Variants in ERBB4 observed in about 807,000 individuals in gnomAD.
The protein encoded by ERBB4 is receptor tyrosine-protein kinase erbB-4.
ERBB4 carries 42 observed loss-of-function variants against 158.0 expected under a neutral mutation model. The observed-to-expected ratio is 0.27, with a 90% CI of 0.21 to 0.34. The LOEUF (loss-of-function observed/expected upper bound fraction) is 0.34, where lower values mean the gene tolerates loss of function less well. ERBB4 is among the 10% of genes least tolerant of loss of function. ERBB4 has a pLI of 1.00. For missense variants in ERBB4, 1,333 were observed against 1,624.1 expected (o/e 0.82, Z 3.08); for synonymous variants, 583 against 558.7 (o/e 1.04, Z -0.61).
At chr2:211,774,101 C>T (rs1226396176) in intron 4 of ERBB4, among the ~76,000 whole-genome samples, 3 of 148,174 alleles carry the variant, frequency 2.0e-5, no homozygotes, top group African/African-American at 5.0e-5. Context: ...GAGATGGAGT[C>T]TCCCTCTGTC....
chr2:211,469,495 G>T (rs2064779451), intron 20 of ERBB4, among the ~76,000 whole-genome samples: 1 of 152,086 alleles, frequency 6.6e-6, no homozygotes, highest in Admixed American at 6.6e-5. Flanking sequence ...GCATTTCAAT[G>T]CAAACAAAAA....
intron 1 of ERBB4, among the ~76,000 whole-genome samples, chr2:212,305,550 A>C (rs16848294): frequency 0.017 from 2,637 of 151,076 alleles, 81 homozygotes; most frequent in African/African-American, 0.061. Context: ...TATCAAGGGA[A>C]ACTACCATGA....
intron 1 of ERBB4, among the ~76,000 whole-genome samples, chr2:212,171,111 A>T (rs143429668): frequency 6.6e-6 from 1 of 152,220 alleles, no homozygotes; most frequent in Non-Finnish European, 1.5e-5. Context: ...GCCCAATTTC[A>T]TGGAAGCCCA....
intron 1 of ERBB4, among the ~76,000 whole-genome samples, chr2:212,538,000 C>T (rs1334023527): frequency 6.6e-6 from 1 of 152,164 alleles, no homozygotes; most frequent in Admixed American, 6.5e-5. Context: ...GCGCCGCTCT[C>T]CACCGCCCTT....
In ERBB4 at chr2:212,059,040, C is replaced by T. The variant is rs189605026; in HGVS notation, c.234+65712G>A. 5.8e-3 allele frequency among the ~76,000 whole-genome samples: 889 copies of T among 152,258 alleles called. 9 individuals carry two copies. The highest frequency in any genetic ancestry group is 8.3e-3 in the Non-Finnish European group (563 of 68,010). On this transcript the variant is annotated intron_variant, in intron 2 of 27. Coordinates refer to ENST00000342788, the MANE Select transcript of ERBB4 (RefSeq NM_005235.3). The stretch of plus-strand genomic sequence containing the variant: ...ATGACATGATTGTATATTTAGAAAA[C>T]CCCATTGTCTCAGCCCAAAATCTCC...
rs140421273 is a variant in ERBB4, at chr2:211,570,442, A to T, written c.2302-8354T>A. 3.1e-3 allele frequency among the ~76,000 whole-genome samples: 469 copies of T among 149,924 alleles called. 1 individual carries two copies. The highest frequency in any genetic ancestry group is 5.5e-3 in the Admixed American group (82 of 14,922). ...TGGCCCCCCAAAGTGCTAGGATTAC[A>T]GGCATGAGCCACCATGCCAGGCCTC... On this transcript the variant is annotated intron_variant, in intron 19 of 27. Coordinates refer to ENST00000342788, the MANE Select transcript of ERBB4 (RefSeq NM_005235.3).
chr2:211,909,329 T>C (rs2079480991), intron 3 of ERBB4, among the ~76,000 whole-genome samples: 1 of 151,770 alleles, frequency 6.6e-6, no homozygotes, highest in South Asian at 2.1e-4. Context: ...TATATCTATT[T>C]ATATATGGTC....
At chr2:212,416,421 C>T (rs1408298560) in intron 1 of ERBB4, among the ~76,000 whole-genome samples, 1 of 151,960 alleles carries the variant, frequency 6.6e-6, no homozygotes, top group Admixed American at 6.6e-5. Flanking sequence ...AAGATGCAAC[C>T]CGTACTTAGG....
At chr2:211,462,569 T>C (rs181998621) in intron 20 of ERBB4, among the ~76,000 whole-genome samples, 3 of 152,204 alleles carry the variant, frequency 2.0e-5, no homozygotes, top group East Asian at 3.9e-4. Flanking sequence ...AGAAAAGGGT[T>C]TTTTAAGGAA....
intron 2 of ERBB4, among the ~76,000 whole-genome samples, chr2:211,962,937 T>C (rs1036053288): frequency 6.6e-6 from 1 of 152,206 alleles, no homozygotes; most frequent in African/African-American, 2.4e-5. Context: ...CCTTCTTTTT[T>C]ACAAATTCTT....
intron 5 of ERBB4, among the ~76,000 whole-genome samples, chr2:211,743,848 G>C (rs1015781471): frequency 6.6e-6 from 1 of 152,148 alleles, no homozygotes; most frequent in South Asian, 2.1e-4. Flanking sequence ...CACATGTAAC[G>C]TAGCTCTCAG....
chr2:211,659,959 C>T (rs2071357279), intron 15 of ERBB4, among the ~76,000 whole-genome samples: 1 of 152,078 alleles, frequency 6.6e-6, no homozygotes, highest in Non-Finnish European at 1.5e-5. Flanking sequence ...AGGTAAGAAG[C>T]TGAAATTTAG....
intron 1 of ERBB4, among the ~76,000 whole-genome samples, chr2:212,439,426 C>G (rs758955113): frequency 3.3e-5 from 5 of 152,156 alleles, no homozygotes; most frequent in African/African-American, 4.8e-5. Context: ...AATGTACCGT[C>G]TCCAAACTTA....
chr2:211,418,680 C>CTA (rs1392602979), intron 25 of ERBB4, among the ~76,000 whole-genome samples: 1 of 151,902 alleles, frequency 6.6e-6, no homozygotes, highest in Non-Finnish European at 1.5e-5. Context: ...GAAAGAAAAA[C>CTA]TATTTTTTTT....
At chr2:211,467,953 G>A (rs2064736854) in intron 20 of ERBB4, among the ~76,000 whole-genome samples, 1 of 152,132 alleles carries the variant, frequency 6.6e-6, no homozygotes, top group African/African-American at 2.4e-5. Flanking sequence ...AGAAAGTAAA[G>A]GAGCAATCTA....
chr2:211,393,435 CTATGACCTTAACAT>C (rs2062845215), intron 25 of ERBB4, among the ~76,000 whole-genome samples: 1 of 152,224 alleles, frequency 6.6e-6, no homozygotes, highest in Admixed American at 6.5e-5. Context: ...GCCCGTCACT[CTATGACCTTAACAT>C]TATACCACAC....
intron 1 of ERBB4, among the ~76,000 whole-genome samples, chr2:212,362,103 A>G (rs2089710238): frequency 6.6e-6 from 1 of 151,588 alleles, no homozygotes; most frequent in African/African-American, 2.4e-5. Flanking sequence ...TATAATAAAT[A>G]TTTAGTTTTA....
intron 1 of ERBB4, among the ~76,000 whole-genome samples, chr2:212,188,892 C>T (rs139242108): frequency 3.3e-5 from 5 of 151,984 alleles, no homozygotes; most frequent in South Asian, 2.1e-4. Flanking sequence ...CTATTCCTGA[C>T]GAATATGTTC....
chr2:211,930,009 G>A (rs1489182938), intron 3 of ERBB4, among the ~76,000 whole-genome samples: 1 of 151,748 alleles, frequency 6.6e-6, no homozygotes, highest in East Asian at 1.9e-4. Context: ...TTTTTCTTTA[G>A]GAAACTTTGA....
Sources: gnomAD v4.1 joint callset for allele counts (sites outside exome capture counted in the v4.1 genomes callset) on GRCh38, gnomAD v4.1.1 for gene constraint, MANE v1.5 for transcripts, NCBI Gene and HGNC (gene_info 2026-07-23, HGNC 2026-07-21) for gene names.